Variants in RFC3 observed in about 807,000 individuals in gnomAD.
The protein encoded by RFC3 is replication factor C subunit 3, also known as A1 38 kDa subunit.
A neutral mutation model predicts 45.1 loss-of-function variants in RFC3; 41 were observed. The observed-to-expected ratio is 0.91, with a 90% CI of 0.71 to 1.18. The LOEUF is 1.18. Among genes scored for constraint, RFC3 ranks in the 50% most tolerant of loss-of-function variants. The pLI is 0.00. For missense variants in RFC3, 423 were observed against 428.1 expected (o/e 0.99, Z 0.10); for synonymous variants, 149 against 144.0 (o/e 1.03, Z -0.25).
intron 8 of RFC3, among the ~76,000 whole-genome samples, chr13:33,954,503 C>T (rs938793213): frequency 1.3e-5 from 2 of 152,336 alleles, no homozygotes; most frequent in East Asian, 1.9e-4. Context: ...GCCAACTTAT[C>T]GCAATCTACT....
At chr13:33,871,481 C>G (rs1461486214) in intron 8 of RFC3, among the ~76,000 whole-genome samples, 2 of 152,176 alleles carry the variant, frequency 1.3e-5, no homozygotes, top group African/African-American at 4.8e-5. Flanking sequence ...TCCTGCTGCC[C>G]TCTTCCAACT....
intron 8 of RFC3, among the ~76,000 whole-genome samples, chr13:33,877,643 T>C (rs2137586077): frequency 6.6e-6 from 1 of 151,212 alleles, no homozygotes; most frequent in Middle Eastern, 3.5e-3. Flanking sequence ...TATTACATAG[T>C]AGTTTATATA....
intron 8 of RFC3, among the ~76,000 whole-genome samples, chr13:33,896,037 A>G (rs1366224650): frequency 6.6e-6 from 1 of 151,964 alleles, no homozygotes; most frequent in East Asian, 1.9e-4. Flanking sequence ...AAGGAATAAA[A>G]AGCTACATAT....
At chr13:33,936,690 T>A (rs973165995) in intron 8 of RFC3, among the ~76,000 whole-genome samples, 3 of 152,102 alleles carry the variant, frequency 2.0e-5, no homozygotes, top group Admixed American at 6.5e-5. Context: ...CTGGAACAGA[T>A]TTCCCCTCAA....
At chr13:33,896,313 A>G (rs1380247598) in intron 8 of RFC3, among the ~76,000 whole-genome samples, 1 of 152,130 alleles carries the variant, frequency 6.6e-6, no homozygotes, top group African/African-American at 2.4e-5. Context: ...ATACAGGTAT[A>G]AGAACATCAG....
chr13:33,935,537 C>G (rs1566034814), intron 8 of RFC3, among the ~76,000 whole-genome samples: 1 of 152,118 alleles, frequency 6.6e-6, no homozygotes, highest in East Asian at 1.9e-4. Context: ...TCATAATCAA[C>G]TTACTGTCTG....
At chr13:33,946,849 A>G (rs1363233651) in intron 8 of RFC3, among the ~76,000 whole-genome samples, 1 of 152,224 alleles carries the variant, frequency 6.6e-6, no homozygotes, top group East Asian at 1.9e-4. Flanking sequence ...TGCAATGTGA[A>G]ATCTGAAACC....
chr13:33,884,426 G>T (rs2082506449), intron 8 of RFC3, among the ~76,000 whole-genome samples: 2 of 152,200 alleles, frequency 1.3e-5, no homozygotes, highest in South Asian at 4.1e-4. Flanking sequence ...GCCTGATTTA[G>T]AAGAGCAGTC....
intron 8 of RFC3, among the ~76,000 whole-genome samples, chr13:33,892,350 G>C (rs2082569032): frequency 6.6e-6 from 1 of 152,250 alleles, no homozygotes; most frequent in East Asian, 1.9e-4. Context: ...TTAATAGAAG[G>C]TTTCATCCAA....
chr13:33,965,795 G>A (rs767184632), intron 8 of RFC3, among the ~76,000 whole-genome samples: 2 of 152,126 alleles, frequency 1.3e-5, no homozygotes, highest in Non-Finnish European at 2.9e-5. Flanking sequence ...ATACCCTAGA[G>A]TCTGTTTTCT....
At chr13:33,921,450 A>G (rs970656172) in intron 8 of RFC3, among the ~76,000 whole-genome samples, 1 of 152,200 alleles carries the variant, frequency 6.6e-6, no homozygotes, top group Admixed American at 6.5e-5. Flanking sequence ...CACAGAGGTC[A>G]AAAGACAGTT....
intron 8 of RFC3, among the ~76,000 whole-genome samples, chr13:33,860,805 A>T (rs190205660): frequency 1.3e-5 from 2 of 152,292 alleles, no homozygotes; most frequent in African/African-American, 2.4e-5. Flanking sequence ...CTGGTTAGTG[A>T]TACTTCATTT....
chr13:33,927,069 C>A (rs1158277192), intron 8 of RFC3, among the ~76,000 whole-genome samples: 1 of 151,864 alleles, frequency 6.6e-6, no homozygotes, highest in East Asian at 1.9e-4. Flanking sequence ...ATATATTCCT[C>A]CCTGACCTCA....
chr13:33,901,889 C>G (rs2082644204), intron 8 of RFC3, among the ~76,000 whole-genome samples: 1 of 152,000 alleles, frequency 6.6e-6, no homozygotes, highest in Non-Finnish European at 1.5e-5. Context: ...CTCTTTGCAG[C>G]TTCTAAAATG....
chr13:33,975,484 A>T, the RFC3 span, among the ~76,000 whole-genome samples: 1 of 152,220 alleles, frequency 6.6e-6, no homozygotes, highest in Non-Finnish European at 1.5e-5. Context: ...GCCATAATGT[A>T]TTTGTCAAAA....
At chr13:33,967,350 G>A (rs74891105), downstream of RFC3, among the ~76,000 whole-genome samples, 491 of 152,128 alleles carry the variant, frequency 3.2e-3, 6 homozygotes, top group African/African-American at 0.011. Flanking sequence ...AGGTAAAGGA[G>A]CTTAATGAGT....
chr13:33,821,105 G>A (rs2081998623), intron 1 of RFC3, 27 bp from the exon 2 acceptor site: 2 of 1,612,226 alleles, frequency 1.2e-6, no homozygotes, highest in African/African-American at 2.7e-5. Flanking sequence ...TTTGACTAGG[G>A]AAAAATGCCT....
chr13:33,884,141 A>C (rs988254319), intron 8 of RFC3, among the ~76,000 whole-genome samples: 11 of 152,216 alleles, frequency 7.2e-5, no homozygotes, highest in African/African-American at 2.7e-4. Flanking sequence ...ATAACGTGGA[A>C]ACCTGACATT....
chr13:33,819,864 C>A (rs573052074), intron 1 of RFC3, among the ~76,000 whole-genome samples: 1 of 152,236 alleles, frequency 6.6e-6, no homozygotes, highest in Admixed American at 6.5e-5. Flanking sequence ...TAAAGCATAA[C>A]CCTTATTTTT....
Sources: allele counts gnomAD v4.1 joint callset (sites outside exome capture counted in the v4.1 genomes callset), GRCh38; gene constraint gnomAD v4.1.1; transcripts MANE v1.5; gene names NCBI Gene and HGNC (gene_info 2026-07-23, HGNC 2026-07-21).